Variants in HLCS observed in about 807,000 individuals in gnomAD.
HLCS encodes the protein biotin--protein ligase.
Under a neutral mutation model 75.0 loss-of-function variants are expected in HLCS, and 53 were observed. The observed-to-expected ratio is 0.71, with a 90% CI of 0.57 to 0.89. The LOEUF is 0.89. Among genes scored for constraint, HLCS ranks in the 40% least tolerant of loss-of-function variants. HLCS has a pLI of 0.00. For missense variants in HLCS, 966 were observed against 1,074.0 expected (o/e 0.90, Z 1.41); for synonymous variants, 431 against 428.6 (o/e 1.01, Z -0.07).
At position 36,818,977 on chromosome 21, in the gene HLCS, C is replaced by A. The variant is rs967625060; in HGVS notation, c.1893-51692G>T. The stretch of plus-strand genomic sequence containing the variant: ...GCACAGGGTATGGCTGGATGGCCCT[C>A]AAGACTGACTGCGACAAATTATAAA... On this transcript the variant is annotated intron_variant, in intron 6 of 10. Transcript: ENST00000674895. Among the ~76,000 whole-genome samples, 4 of 152,082 alleles carry A rather than the reference C, an allele frequency of 2.6e-5. No individual in the cohort carries two copies. In the East Asian group the frequency reaches 5.8e-4, roughly 22 times the overall value.
intron 3 of HLCS, 30 bp downstream of exon 3, chr21:36,938,802 C>G (rs1376238933): frequency 5.0e-6 from 8 of 1,611,280 alleles, no homozygotes; most frequent in Non-Finnish European, 5.9e-6. Context: ...CTATGCCTGG[C>G]CAATAAAAAC....
rs532689977 is a variant in HLCS, at chr21:36,962,117, A to T, written c.249T>A (p.Leu83=). ...WALFLVSPFI[L]EAEHIAFVTE... is the part of the protein sequence containing the mutation. ...TCACAAATGCTATGTGTTCTGCTTC[A>T]AGTATAAAAGGAGACACAAGAAATA... The change falls in exon 2 of 11, where the codon CTT becomes CTA. Residue 83 remains leucine (L), a synonymous_variant. Coordinates refer to ENST00000674895, the MANE Select transcript of HLCS (RefSeq NM_001352514.2). The T allele has an allele frequency of 6.2e-6, 8 of 1,288,824 alleles. No individual in the cohort carries two copies. Among genetic ancestry groups the T allele is most frequent in the East Asian group, 1.1e-4 (2 of 18,034 alleles). 79.8% of individuals were successfully genotyped at this position (1,288,824 alleles called of 1,614,324 possible).
At chr21:36,860,299 G>A (rs1034780745) in intron 6 of HLCS, among the ~76,000 whole-genome samples, 4 of 146,074 alleles carry the variant, frequency 2.7e-5, no homozygotes, top group Non-Finnish European at 4.6e-5. Context: ...TCAAGCCAGG[G>A]TGATCAGACT....
chr21:36,797,981 T>G (rs150101865), intron 6 of HLCS, among the ~76,000 whole-genome samples: 1 of 152,120 alleles, frequency 6.6e-6, no homozygotes, highest in Admixed American at 6.5e-5. Flanking sequence ...GTTGTGGGGT[T>G]AGAGAAGAAG....
intron 6 of HLCS, among the ~76,000 whole-genome samples, chr21:36,772,532 G>C (rs2060238716): frequency 6.6e-6 from 1 of 151,560 alleles, no homozygotes; most frequent in Non-Finnish European, 1.5e-5. Context: ...CCAGCTACTT[G>C]GGAGGCTGAG....
At chr21:36,806,116 C>T (rs952755190) in intron 6 of HLCS, 2 of 152,238 alleles carry the variant, frequency 1.3e-5, no homozygotes, top group Admixed American at 1.3e-4. Context: ...CATACAGAAA[C>T]TTGGTAGACA....
At chr21:36,977,764 C>T (rs1253434886) in intron 1 of HLCS, among the ~76,000 whole-genome samples, 1 of 152,180 alleles carries the variant, frequency 6.6e-6, no homozygotes, top group Non-Finnish European at 1.5e-5. Context: ...AGGGCAAATG[C>T]CTCTCGTTCC....
intron 6 of HLCS, among the ~76,000 whole-genome samples, chr21:36,805,022 A>T (rs1211563196): frequency 6.6e-6 from 1 of 152,184 alleles, no homozygotes; most frequent in East Asian, 1.9e-4. Flanking sequence ...GTATCTGAGC[A>T]AAGGACATTG....
chr21:36,920,925 A>G lies in HLCS; in HGVS notation c.1620+9326T>C, dbSNP rs1283022531. ...CTGGCTATCCCCCCACCCCCAAATT[A>G]ACCATCATTTTTTAATTTATGAAAC... On this transcript the variant is annotated intron_variant, in intron 5 of 10. Coordinates refer to ENST00000674895, the MANE Select transcript of HLCS (RefSeq NM_001352514.2). Among the ~76,000 whole-genome samples the G allele has an allele frequency of 2.6e-5, 4 of 152,022 alleles. No individual in the cohort carries two copies. The South Asian group carries it at 8.3e-4, about 32-fold the overall frequency.
chr21:36,811,076 A>G (rs1035837453), intron 6 of HLCS, among the ~76,000 whole-genome samples: 5 of 144,248 alleles, frequency 3.5e-5, no homozygotes, highest in Non-Finnish European at 4.7e-5. Flanking sequence ...GTCATGTACA[A>G]CACGTTTTGA....
intron 6 of HLCS, among the ~76,000 whole-genome samples, chr21:36,830,497 T>C (rs1373032649): frequency 6.6e-6 from 1 of 152,060 alleles, no homozygotes; most frequent in Non-Finnish European, 1.5e-5. Flanking sequence ...GAGCTCTGTG[T>C]AGCACATAGG....
At chr21:36,806,348 T>C (rs2061359646) in intron 6 of HLCS, 1 of 152,186 alleles carries the variant, frequency 6.6e-6, no homozygotes. Flanking sequence ...TGGTTCCCTG[T>C]GTGACATCAT....
chr21:36,761,154 A>C (rs531313403), intron 8 of HLCS, among the ~76,000 whole-genome samples: 21 of 152,348 alleles, frequency 1.4e-4, no homozygotes, highest in African/African-American at 5.0e-4. Flanking sequence ...GTGCTAGCGC[A>C]TCCCCAGGGA....
chr21:36,809,206 C>T (rs1286176031), intron 6 of HLCS, among the ~76,000 whole-genome samples: 1 of 148,352 alleles, frequency 6.7e-6, no homozygotes, highest in Non-Finnish European at 1.5e-5. Context: ...AGAGCGAGAC[C>T]TCAACTTAAA....
chr21:36,794,671 G>A (rs2060974148), intron 6 of HLCS, among the ~76,000 whole-genome samples: 1 of 152,158 alleles, frequency 6.6e-6, no homozygotes, highest in Non-Finnish European at 1.5e-5. Flanking sequence ...TAACAGGGAT[G>A]AGATAACTAA....
chr21:36,773,135 T>A (rs1000786420), intron 6 of HLCS, among the ~76,000 whole-genome samples: 3 of 152,254 alleles, frequency 2.0e-5, no homozygotes, highest in African/African-American at 7.2e-5. Context: ...ATTTTTATAA[T>A]TGTAGTGCAT....
rs978044869 is a variant in HLCS, at chr21:36,874,401, CA to C, written c.1892+22458del. On this transcript the variant is annotated intron_variant, in intron 6 of 10. Coordinates refer to ENST00000674895, the MANE Select transcript of HLCS (RefSeq NM_001352514.2). ...TGAGCGACAGAGCGAGACTCCGTCT[CA>C]AAAAAATAAAATAAAATAAAATAAA... Among the ~76,000 whole-genome samples the C allele has an allele frequency of 3.2e-4, 32 of 101,292 alleles. 1 individual carries two copies. Among genetic ancestry groups the C allele is most frequent in the African/African-American group, 1.8e-3 (29 of 15,960 alleles). The allele number at this position is 101,292 out of a possible 152,430, so 66.5% of individuals were successfully genotyped here. A position where few individuals can be genotyped will look rare whatever the true frequency, so the allele number is the denominator to read the frequency against.
intron 6 of HLCS, among the ~76,000 whole-genome samples, chr21:36,832,132 G>A (rs764070642): frequency 9.2e-5 from 14 of 152,216 alleles, no homozygotes; most frequent in Admixed American, 8.5e-4. Flanking sequence ...AAGGCCAGCC[G>A]GGTGGGTTGC....
intron 6 of HLCS, among the ~76,000 whole-genome samples, chr21:36,866,338 A>G (rs1193571666): frequency 6.6e-6 from 1 of 152,226 alleles, no homozygotes. Context: ...GGTAGGAAAC[A>G]TCAACAAATG....
Sources: allele counts gnomAD v4.1 joint callset (sites outside exome capture counted in the v4.1 genomes callset), GRCh38; gene constraint gnomAD v4.1.1; transcripts MANE v1.5; gene names NCBI Gene and HGNC (gene_info 2026-07-23, HGNC 2026-07-21).